SSBP3: variants seen among roughly 807,000 people sequenced by gnomAD.
SSBP3 encodes the protein single stranded DNA binding protein 3.
SSBP3 carries 5 observed loss-of-function variants against 69.6 expected under a neutral mutation model. The observed-to-expected ratio is 0.07, with a 90% CI of 0.04 to 0.15. The LOEUF is 0.15. Among genes scored for constraint, SSBP3 ranks in the 10% least tolerant of loss-of-function variants. SSBP3 has a pLI of 1.00. For missense variants in SSBP3, 312 were observed against 534.0 expected (o/e 0.58, Z 4.10); for synonymous variants, 196 against 193.4 (o/e 1.01, Z -0.11).
At chr1:54,400,010 G>A (rs1179544510) in intron 4 of SSBP3, among the ~76,000 whole-genome samples, 1 of 152,122 alleles carries the variant, frequency 6.6e-6, no homozygotes, top group Non-Finnish European at 1.5e-5. Flanking sequence ...CTCAATTAGG[G>A]TGACCTCATC....
rs563391624 is a variant in SSBP3 at position 54,282,331 on chromosome 1, C to T, written c.277-804G>A. ...AGATCAATAAATATCCATGACTCAA[C>T]GAATAAATGAACAGACCAACTGGGA... On this transcript the variant is annotated intron_variant, in intron 4 of 17. Coordinates refer to ENST00000610401, the Ensembl canonical transcript of SSBP3. Among the ~76,000 whole-genome samples, 27 of 152,284 alleles carry T rather than the reference C, an allele frequency of 1.8e-4. No individual in the cohort carries two copies. The South Asian group carries it at 3.3e-3, about 19-fold the overall frequency.
exon 18 of SSBP3, chr1:54,225,995 G>A (rs899771727): frequency 2.6e-5 from 4 of 152,034 alleles, no homozygotes; most frequent in African/African-American, 9.7e-5. Context: ...AAAAAACAAA[G>A]AAAACCGGAA....
chr1:54,401,402 A>G (rs75062603), intron 4 of SSBP3, among the ~76,000 whole-genome samples: 1 of 151,712 alleles, frequency 6.6e-6, no homozygotes, highest in Non-Finnish European at 1.5e-5. Flanking sequence ...ACACACACAC[A>G]CCCATAATTT....
At chr1:54,315,412 A>G (rs562513893) in intron 4 of SSBP3, among the ~76,000 whole-genome samples, 1 of 152,306 alleles carries the variant, frequency 6.6e-6, no homozygotes, top group African/African-American at 2.4e-5. Context: ...TGAGAAGCAC[A>G]CAGCAGATGG....
chr1:54,268,502 C>T (rs948125779), intron 5 of SSBP3, among the ~76,000 whole-genome samples: 3 of 152,224 alleles, frequency 2.0e-5, no homozygotes, highest in South Asian at 2.1e-4. Context: ...AGTAATGATT[C>T]GTCATATCCA....
chr1:54,394,954 C>T (rs1000016002), intron 4 of SSBP3, among the ~76,000 whole-genome samples: 8 of 151,878 alleles, frequency 5.3e-5, no homozygotes, highest in Non-Finnish European at 8.8e-5. Flanking sequence ...CCGCCAGCCT[C>T]GGCCTCCCAA....
chr1:54,393,957 A>G (rs1648677259), intron 4 of SSBP3, among the ~76,000 whole-genome samples: 1 of 152,126 alleles, frequency 6.6e-6, no homozygotes, highest in African/African-American at 2.4e-5. Context: ...ACAGAGTTTC[A>G]TCATGTTGGC....
intron 4 of SSBP3, among the ~76,000 whole-genome samples, chr1:54,297,946 C>T (rs72665919): frequency 0.11 from 16,215 of 152,162 alleles, 1,097 homozygotes; most frequent in Non-Finnish European, 0.15. Context: ...TCAGATCCCT[C>T]CTCAGTTCTG....
chr1:54,355,845 G>A (rs553281087), intron 4 of SSBP3, among the ~76,000 whole-genome samples: 2 of 152,258 alleles, frequency 1.3e-5, no homozygotes, highest in African/African-American at 2.4e-5. Context: ...CGCTTTGTGC[G>A]AGGGGACACG....
chr1:54,410,667 G>T (rs573877821), upstream of SSBP3, among the ~76,000 whole-genome samples: 10 of 152,204 alleles, frequency 6.6e-5, no homozygotes, highest in Admixed American at 1.3e-4. Context: ...AATCCAACAC[G>T]CAAAGACCTG....
chr1:54,367,106 C>T (rs943693183), intron 4 of SSBP3, among the ~76,000 whole-genome samples: 1 of 152,202 alleles, frequency 6.6e-6, no homozygotes, highest in African/African-American at 2.4e-5. Flanking sequence ...AGTAGGGCTG[C>T]CTCTTTCCTT....
intron 4 of SSBP3, among the ~76,000 whole-genome samples, chr1:54,315,920 C>T (rs1014906572): frequency 6.6e-6 from 1 of 152,142 alleles, no homozygotes; most frequent in Non-Finnish European, 1.5e-5. Context: ...CCTCAGCCTC[C>T]CAAAGTACTG....
intron 5 of SSBP3, among the ~76,000 whole-genome samples, chr1:54,275,384 C>T (rs1553129631): frequency 1.3e-5 from 2 of 152,264 alleles, no homozygotes; most frequent in Non-Finnish European, 2.9e-5. Context: ...CCCCTTGTCA[C>T]AAACTTGTCC....
chr1:54,243,983 G>GCAGTAGTGCAAT (rs1388129626), intron 9 of SSBP3, among the ~76,000 whole-genome samples: 6 of 152,178 alleles, frequency 3.9e-5, no homozygotes, highest in African/African-American at 1.4e-4. Context: ...AGGCTAGAGT[G>GCAGTAGTGCAAT]CAGTAGTGCA....
chr1:54,308,074 C>T (rs1224376221), intron 4 of SSBP3, among the ~76,000 whole-genome samples: 4 of 152,198 alleles, frequency 2.6e-5, no homozygotes, highest in African/African-American at 9.7e-5. Context: ...ATCCCTAGTG[C>T]TTATAGAATC....
At chr1:54,301,032 G>A (rs1645792040) in intron 4 of SSBP3, among the ~76,000 whole-genome samples, 1 of 152,148 alleles carries the variant, frequency 6.6e-6, no homozygotes, top group South Asian at 2.1e-4. Flanking sequence ...ACATCTGACA[G>A]GTGGCACTGG....
intron 5 of SSBP3, among the ~76,000 whole-genome samples, chr1:54,263,275 G>A (rs979779315): frequency 5.9e-5 from 9 of 152,322 alleles, no homozygotes; most frequent in African/African-American, 1.9e-4. Flanking sequence ...AGGACCCCCA[G>A]CCCTCCCGCA....
rs759632663 is a variant in SSBP3 at position 54,227,183 on chromosome 1, G to GGT, written c.1138-24_1138-23insAC. ...ATACTGGAAAGGAGAAGCAGAGAAG[G>GGT]GGGGGGGGTGAGGATTGTGGGGAGG... On this transcript the variant is annotated intron_variant, in intron 17 of 17. Transcript: ENST00000610401. The GGT allele has an allele frequency of 1.3e-4, 156 of 1,158,308 alleles. 1 individual carries two copies. The East Asian group carries it at 2.2e-3, about 16-fold the overall frequency. The allele number at this position is 1,158,308 out of a possible 1,614,324, so 71.8% of individuals were successfully genotyped here. A position where few individuals can be genotyped will look rare whatever the true frequency, so the allele number is the denominator to read the frequency against.
At chr1:54,372,405 C>T (rs200720017) in intron 4 of SSBP3, among the ~76,000 whole-genome samples, 1 of 152,034 alleles carries the variant, frequency 6.6e-6, no homozygotes, top group Non-Finnish European at 1.5e-5. Flanking sequence ...TTTCTCACTC[C>T]TTGAGGCCCA....
Sources: gnomAD v4.1 joint callset for allele counts (sites outside exome capture counted in the v4.1 genomes callset) on GRCh38, gnomAD v4.1.1 for gene constraint, MANE v1.5 for transcripts, NCBI Gene and HGNC (gene_info 2026-07-23, HGNC 2026-07-21) for gene names.